Variants in ERI1 observed in about 807,000 individuals in gnomAD.
ERI1 encodes exoribonuclease 1.
A neutral mutation model predicts 39.7 loss-of-function variants in ERI1; 39 were observed. The ratio of observed to expected loss-of-function variants is 0.98; its 90% CI spans 0.76 to 1.28. ERI1 has a LOEUF of 1.28. ERI1 is among the 50% of genes most tolerant of loss of function. The pLI is 0.00. For missense variants in ERI1, 581 were observed against 416.9 expected (o/e 1.39, Z -3.43); for synonymous variants, 204 against 149.6 (o/e 1.36, Z -2.65).
intron 3 of ERI1, among the ~76,000 whole-genome samples, chr8:9,041,659 C>T (rs1411569134): frequency 6.6e-6 from 1 of 152,110 alleles, no homozygotes; most frequent in African/African-American, 2.4e-5. Flanking sequence ...CACAGTGTAC[C>T]AAAACCTATG....
In ERI1 at chr8:9,046,595, C is replaced by G. The variant is rs28379934; in HGVS notation, n.299+26131C>G. Among the ~76,000 whole-genome samples the G allele has an allele frequency of 2.3e-3, 348 of 152,348 alleles. 1 individual carries two copies. The highest frequency in any genetic ancestry group is 8.0e-3 in the African/African-American group (333 of 41,588). ...GCATCCCTAAAGAACAATGAAGGGA[C>G]ACACTTTAAACATGCTAGGTATGAA... is the stretch of plus-strand genomic sequence containing the variant. On this transcript the variant is annotated intron_variant and non_coding_transcript_variant, in intron 3 of 3. Transcript: ENST00000518663.
At chr8:9,095,876 G>T (rs1443524405) in intron 3 of ERI1, among the ~76,000 whole-genome samples, 2 of 152,122 alleles carry the variant, frequency 1.3e-5, no homozygotes, top group Non-Finnish European at 2.9e-5. Context: ...GTGGGTCGGG[G>T]GGCAAGGCAC....
chr8:9,068,494 G>A (rs768309343), intron 3 of ERI1, among the ~76,000 whole-genome samples: 1 of 152,070 alleles, frequency 6.6e-6, no homozygotes, highest in Non-Finnish European at 1.5e-5. Flanking sequence ...GTGCCATGAC[G>A]CCTGGCTAGA....
chr8:9,023,335 G>C (rs770061951), intron 6 of ERI1, among the ~76,000 whole-genome samples: 4 of 152,086 alleles, frequency 2.6e-5, no homozygotes. Context: ...TTATACTCCA[G>C]TTGAGAAGCT....
chr8:9,071,955 A>T (rs1799066727), intron 3 of ERI1, among the ~76,000 whole-genome samples: 1 of 152,146 alleles, frequency 6.6e-6, no homozygotes, highest in Non-Finnish European at 1.5e-5. Flanking sequence ...AGTCCCGCCT[A>T]TTTGGGAGGC....
At chr8:9,006,160 C>A (rs746570966) in intron 1 of ERI1, among the ~76,000 whole-genome samples, 1 of 152,168 alleles carries the variant, frequency 6.6e-6, no homozygotes, top group Admixed American at 6.5e-5. Context: ...TCTTTCTGCT[C>A]CTTGGCAGAT....
intron 5 of ERI1, among the ~76,000 whole-genome samples, chr8:9,018,926 T>C (rs1817597616): frequency 6.6e-6 from 1 of 152,200 alleles, no homozygotes; most frequent in Non-Finnish European, 1.5e-5. Context: ...TTGATCTTTT[T>C]TTTCCTTGAA....
intron 3 of ERI1, among the ~76,000 whole-genome samples, chr8:9,085,462 C>T (rs1229040267): frequency 6.6e-6 from 1 of 152,094 alleles, no homozygotes; most frequent in African/African-American, 2.4e-5. Flanking sequence ...CCTGCCTCAG[C>T]CTCCCAAAGT....
intron 3 of ERI1, among the ~76,000 whole-genome samples, chr8:9,013,113 C>T (rs545788690): frequency 1.4e-4 from 21 of 151,800 alleles, no homozygotes; most frequent in African/African-American, 3.6e-4. Context: ...CTCCTGGGTT[C>T]GAGCAGCTCT....
At chr8:9,077,870 T>C (rs892617123) in intron 3 of ERI1, among the ~76,000 whole-genome samples, 2 of 152,236 alleles carry the variant, frequency 1.3e-5, no homozygotes, top group Non-Finnish European at 2.9e-5. Context: ...AATTTTTTTC[T>C]GATCCCCAAC....
At chr8:9,009,846 A>G (rs944722186) in intron 2 of ERI1, among the ~76,000 whole-genome samples, 2 of 152,194 alleles carry the variant, frequency 1.3e-5, no homozygotes, top group Admixed American at 6.5e-5. Context: ...CATGGCTTAT[A>G]GTATATTTTG....
chr8:9,020,216 GTTAA>G, intron 5 of ERI1, 130 bp from the exon 6 acceptor site: 2 of 496,224 alleles, frequency 4.0e-6, no homozygotes, highest in East Asian at 6.9e-5. Context: ...AGGAAGCAAG[GTTAA>G]TTTTCTCAGC....
At chr8:9,078,922 G>A (rs148397669) in intron 3 of ERI1, among the ~76,000 whole-genome samples, 2 of 152,070 alleles carry the variant, frequency 1.3e-5, no homozygotes, top group East Asian at 1.9e-4. Context: ...GGAGAGAATC[G>A]CTACTAGTGC....
At chr8:9,096,708 C>CTA (rs1799886778) in intron 3 of ERI1, 2 of 96,546 alleles carry the variant, frequency 2.1e-5, no homozygotes, top group African/African-American at 8.0e-5. Context: ...CTATTGCCAT[C>CTA]TTTTTTTTTT....
intron 3 of ERI1, among the ~76,000 whole-genome samples, chr8:9,066,128 C>T (rs1563368460): frequency 6.6e-6 from 1 of 152,190 alleles, no homozygotes; most frequent in East Asian, 1.9e-4. Context: ...CATTCATCTC[C>T]ACCCTCTTCC....
intron 6 of ERI1, among the ~76,000 whole-genome samples, chr8:9,024,404 T>TTTCTC (rs1034261817): frequency 2.7e-5 from 4 of 148,394 alleles, no homozygotes; most frequent in Non-Finnish European, 5.9e-5. Flanking sequence ...TCTCTTCTTT[T>TTTCTC]TTCTCTTTTC....
At chr8:9,090,215 C>T (rs1225240119) in intron 3 of ERI1, among the ~76,000 whole-genome samples, 1 of 151,916 alleles carries the variant, frequency 6.6e-6, no homozygotes, top group Non-Finnish European at 1.5e-5. Context: ...CTGCTTCTTC[C>T]TCCTCCTGAT....
Position 9,003,099 on chromosome 8 carries a change from G to A in ERI1, c.36G>A (p.Glu12=). 8.0e-7 allele frequency: 1 copy of A among 1,247,782 alleles called. No individual in the cohort carries two copies. Among genetic ancestry groups the A allele is most frequent in the East Asian group, 3.1e-5 (1 of 31,772 alleles). The allele number at this position is 1,247,782 out of a possible 1,614,324, so 77.3% of individuals were successfully genotyped here. ...CACAGAGTAAAGAGCCTGCCGGCGA[G>A]GCCGTGGCTCTCGCGCTGCTGGAGT... is the stretch of plus-strand genomic sequence containing the variant. ...EDPQSKEPAG[E]AVALALLESP... is the part of the protein sequence containing the mutation. Residue 12 remains glutamate, a synonymous_variant, in exon 1 of 7, where the codon GAG becomes GAA. Coordinates refer to ENST00000250263, the MANE Select transcript of ERI1 (RefSeq NM_153332.4).
At chr8:9,081,903 C>T (rs988535321) in intron 3 of ERI1, among the ~76,000 whole-genome samples, 2 of 152,088 alleles carry the variant, frequency 1.3e-5, no homozygotes, top group Admixed American at 1.3e-4. Flanking sequence ...TCTCATTAGC[C>T]TGCACTGGAA....
Sources: gnomAD v4.1 joint callset for allele counts (sites outside exome capture counted in the v4.1 genomes callset) on GRCh38, gnomAD v4.1.1 for gene constraint, MANE v1.5 for transcripts, NCBI Gene and HGNC (gene_info 2026-07-23, HGNC 2026-07-21) for gene names.